GRID2: variants seen among roughly 807,000 people sequenced by gnomAD.
GRID2 encodes glutamate receptor ionotropic, delta-2.
GRID2 carries 33 observed loss-of-function variants against 114.8 expected under a neutral mutation model. The ratio of observed to expected loss-of-function variants is 0.29; its 90% confidence interval spans 0.22 to 0.38. GRID2 has a LOEUF of 0.38. GRID2 is among the 10% of genes least tolerant of loss of function. GRID2 has a pLI of 1.00. For synonymous variants in GRID2, 505 were observed against 449.9 expected (o/e 1.12, Z -1.55); for missense variants, 1,184 against 1,257.7 (o/e 0.94, Z 0.89).
At chr4:92,323,862 A>G (rs563485760) in intron 1 of GRID2, among the ~76,000 whole-genome samples, 8 of 152,138 alleles carry the variant, frequency 5.3e-5, no homozygotes, top group African/African-American at 1.9e-4. Flanking sequence ...TAAGTGGCTC[A>G]AATGCTTCAC....
chr4:93,382,013 C>A (rs1383671131), intron 8 of GRID2, among the ~76,000 whole-genome samples: 2 of 151,960 alleles, frequency 1.3e-5, no homozygotes, highest in Non-Finnish European at 2.9e-5. Context: ...GAAATTTTTG[C>A]CAGATATAGG....
intron 2 of GRID2, among the ~76,000 whole-genome samples, chr4:93,017,594 C>T (rs989332767): frequency 2.6e-5 from 4 of 151,740 alleles, no homozygotes; most frequent in Non-Finnish European, 5.9e-5. Flanking sequence ...TCTAGTGGAT[C>T]ACTTGAGGTC....
chr4:92,916,711 T>A (rs2149497288), intron 2 of GRID2, among the ~76,000 whole-genome samples: 1 of 152,320 alleles, frequency 6.6e-6, no homozygotes, highest in Non-Finnish European at 1.5e-5. Context: ...TATAGCTGCA[T>A]AGTATTCCAT....
intron 1 of GRID2, among the ~76,000 whole-genome samples, chr4:92,337,135 T>C (rs1387284127): frequency 1.3e-5 from 2 of 152,044 alleles, no homozygotes; most frequent in Non-Finnish European, 2.9e-5. Flanking sequence ...TTATTTAGCA[T>C]AGACTTTGCT....
chr4:92,422,779 G>A (rs1276251117), intron 1 of GRID2, among the ~76,000 whole-genome samples: 1 of 152,138 alleles, frequency 6.6e-6, no homozygotes, highest in African/African-American at 2.4e-5. Flanking sequence ...TTCTAATCTT[G>A]TGGCTAATTT....
chr4:92,440,559 A>G (rs1732994477), intron 1 of GRID2, among the ~76,000 whole-genome samples: 4 of 152,012 alleles, frequency 2.6e-5, no homozygotes, highest in South Asian at 4.2e-4. Flanking sequence ...CCTGAGGAGT[A>G]GTAGAATAGC....
intron 2 of GRID2, among the ~76,000 whole-genome samples, chr4:92,750,166 G>A (rs552196234): frequency 3.3e-5 from 5 of 152,166 alleles, no homozygotes; most frequent in South Asian, 2.1e-4. Flanking sequence ...TGGCCCGGGC[G>A]CCTCACATTC....
chr4:93,557,526 CAAG>C (rs1242640642), intron 13 of GRID2, among the ~76,000 whole-genome samples: 1 of 152,146 alleles, frequency 6.6e-6, no homozygotes, highest in Non-Finnish European at 1.5e-5. Context: ...ATCAATGCAA[CAAG>C]AAGAGCTAAC....
chr4:92,627,246 G>A (rs1206042543), intron 2 of GRID2, among the ~76,000 whole-genome samples: 1 of 152,090 alleles, frequency 6.6e-6, no homozygotes, highest in African/African-American at 2.4e-5. Flanking sequence ...GCATCTGGTA[G>A]CAGGGAGAAT....
intron 13 of GRID2, among the ~76,000 whole-genome samples, chr4:93,526,067 T>A (rs1299698966): frequency 6.6e-6 from 1 of 152,240 alleles, no homozygotes; most frequent in Non-Finnish European, 1.5e-5. Context: ...TGATACCATT[T>A]GGCTCTGTGT....
At chr4:92,473,312 CA>C (rs1326306764) in intron 1 of GRID2, among the ~76,000 whole-genome samples, 2 of 152,006 alleles carry the variant, frequency 1.3e-5, no homozygotes, top group African/African-American at 4.8e-5. Flanking sequence ...TTTTTAGTTC[CA>C]GTGGCTTTTT....
At chr4:92,714,166 A>C (rs1735417434) in intron 2 of GRID2, among the ~76,000 whole-genome samples, 1 of 152,228 alleles carries the variant, frequency 6.6e-6, no homozygotes, top group Non-Finnish European at 1.5e-5. Context: ...AAATGGGCCA[A>C]AACAAAGGGG....
chr4:92,920,863 T>G (rs1440697549), intron 2 of GRID2, among the ~76,000 whole-genome samples: 4 of 152,176 alleles, frequency 2.6e-5, no homozygotes, highest in Admixed American at 6.5e-5. Flanking sequence ...TTTGTGGTGT[T>G]CTCTGTATTT....
chr4:93,199,468 C>T (rs1156784571), intron 4 of GRID2, among the ~76,000 whole-genome samples: 1 of 152,192 alleles, frequency 6.6e-6, no homozygotes, highest in Non-Finnish European at 1.5e-5. Flanking sequence ...ATATTTTCAT[C>T]TCCCACAGGG....
chr4:93,404,017 C>A (rs558479324), intron 9 of GRID2, among the ~76,000 whole-genome samples: 1 of 152,034 alleles, frequency 6.6e-6, no homozygotes, highest in South Asian at 2.1e-4. Context: ...ATGTAGTATA[C>A]CATAAAATGG....
At chr4:92,457,991 G>A (rs1721299948) in intron 1 of GRID2, among the ~76,000 whole-genome samples, 2 of 152,148 alleles carry the variant, frequency 1.3e-5, no homozygotes, top group South Asian at 4.1e-4. Context: ...TTCAGTAAGA[G>A]TTTATGACAT....
intron 2 of GRID2, among the ~76,000 whole-genome samples, chr4:92,872,877 A>G (rs1745372546): frequency 6.6e-6 from 1 of 152,236 alleles, no homozygotes; most frequent in Non-Finnish European, 1.5e-5. Flanking sequence ...AGCTGTTTTG[A>G]AATAATGCGG....
At chr4:93,549,631 G>A (rs763302091) in intron 13 of GRID2, among the ~76,000 whole-genome samples, 3 of 152,108 alleles carry the variant, frequency 2.0e-5, no homozygotes, top group African/African-American at 4.8e-5. Context: ...AAATTTGACT[G>A]AGGATAAACA....
At chr4:93,033,018 A>G (rs537054469) in intron 2 of GRID2, among the ~76,000 whole-genome samples, 1 of 152,370 alleles carries the variant, frequency 6.6e-6, no homozygotes, top group South Asian at 2.1e-4. Flanking sequence ...GTCAAATGAC[A>G]TAAAGTAACA....
Sources: gnomAD v4.1 joint callset for allele counts (sites outside exome capture counted in the v4.1 genomes callset) on GRCh38, gnomAD v4.1.1 for gene constraint, MANE v1.5 for transcripts, NCBI Gene and HGNC (gene_info 2026-07-23, HGNC 2026-07-21) for gene names.